The following ACOXL variants were observed in gnomAD, a reference collection of about 807,000 sequenced individuals.
ACOXL encodes acyl-coenzyme A oxidase-like protein.
In ACOXL, 70 loss-of-function variants were observed where a neutral mutation model predicts 71.9. That is an observed-to-expected ratio of 0.97 (90% confidence interval 0.80 to 1.19). ACOXL has a LOEUF of 1.19. Ranked by LOEUF, ACOXL falls within the 50% of genes most tolerant of loss-of-function variation. The pLI, the probability that ACOXL is intolerant of heterozygous loss-of-function variation, is 0.00. For synonymous variants in ACOXL, 253 were observed against 281.6 expected (o/e 0.90, Z 1.02); for missense variants, 703 against 736.3 (o/e 0.95, Z 0.52).
intron 15 of ACOXL, among the ~76,000 whole-genome samples, chr2:111,040,356 C>T (rs1244999528): frequency 6.6e-6 from 1 of 152,182 alleles, no homozygotes; most frequent in Non-Finnish European, 1.5e-5. Context: ...AAAAATAAAC[C>T]TTGTAACTAT....
chr2:110,976,366 G>A lies in ACOXL; in HGVS notation c.1060-10742G>A, dbSNP rs550102836. ...TGGCTCCTGGCCTATGGATCACACT[G>A]AGTGGCAAGGGCCTACAGGTCTAGG... On this transcript the variant is annotated intron_variant, in intron 12 of 17. Coordinates refer to ENST00000439055, the MANE Select transcript of ACOXL (RefSeq NM_001142807.4). 9.8e-5 allele frequency among the ~76,000 whole-genome samples: 15 copies of A among 152,358 alleles called. No homozygotes were observed. In the South Asian group the frequency reaches 2.9e-3, roughly 29 times the overall value.
At chr2:110,997,676 A>G (rs186197075) in intron 14 of ACOXL, among the ~76,000 whole-genome samples, 1 of 152,350 alleles carries the variant, frequency 6.6e-6, no homozygotes, top group African/African-American at 2.4e-5. Context: ...AAAAGAATCA[A>G]AATGAATAAC....
chr2:111,094,793 G>C (rs751914178), intron 17 of ACOXL, among the ~76,000 whole-genome samples: 1 of 152,178 alleles, frequency 6.6e-6, no homozygotes, highest in Non-Finnish European at 1.5e-5. Flanking sequence ...TGCTCAATGT[G>C]GTGTCTGCTG....
At chr2:111,044,138 T>A (rs1002633158) in intron 15 of ACOXL, among the ~76,000 whole-genome samples, 2 of 152,234 alleles carry the variant, frequency 1.3e-5, no homozygotes, top group Non-Finnish European at 2.9e-5. Context: ...TTATGTGAAC[T>A]CTGCAGCATG....
chr2:111,117,897 C>A lies in ACOXL; in HGVS notation c.*81C>A. ...CCGACGCCCAGAGCTGTGGCCGAGG[C>A]CGGGGGCTGGCACCCGCTGGGCCGC... On this transcript the variant is annotated 3_prime_UTR_variant, in exon 18 of 18. Coordinates refer to ENST00000439055, the MANE Select transcript of ACOXL (RefSeq NM_001142807.4). The A allele has an allele frequency of 6.9e-7, 1 of 1,441,540 alleles. No homozygotes were observed. The highest frequency in any genetic ancestry group is 9.2e-7 in the Non-Finnish European group (1 of 1,086,704). The allele number at this position is 1,441,540 out of a possible 1,614,324, so 89.3% of individuals were successfully genotyped here. A position where few individuals can be genotyped will look rare whatever the true frequency, so the allele number is the denominator to read the frequency against.
At chr2:110,798,929 G>A in intron 6 of ACOXL, 85 bp from the exon 7 acceptor site, 4 of 1,400,790 alleles carry the variant, frequency 2.9e-6, no homozygotes, top group African/African-American at 1.4e-5. Context: ...ATGAGTTTGA[G>A]GATCACAGAA....
intron 3 of ACOXL, among the ~76,000 whole-genome samples, chr2:110,790,143 G>A (rs758950876): frequency 1.3e-5 from 2 of 152,222 alleles, no homozygotes; most frequent in Non-Finnish European, 2.9e-5. Flanking sequence ...AACCTGGCAG[G>A]TAGCAGGAGC....
At chr2:110,733,265 C>T (rs1481481050) in intron 1 of ACOXL, among the ~76,000 whole-genome samples, 6 of 152,138 alleles carry the variant, frequency 3.9e-5, no homozygotes, top group Non-Finnish European at 1.5e-5. Context: ...TACAGGACCC[C>T]CTCGGAGTGC....
At chr2:110,754,229 T>C (rs1481286360) in intron 1 of ACOXL, among the ~76,000 whole-genome samples, 1 of 151,942 alleles carries the variant, frequency 6.6e-6, no homozygotes, top group Non-Finnish European at 1.5e-5. Flanking sequence ...TGCACTACCA[T>C]ACCTGGGCCA....
intron 1 of ACOXL, among the ~76,000 whole-genome samples, chr2:110,739,921 C>T (rs1032704269): frequency 1.3e-5 from 2 of 152,160 alleles, no homozygotes; most frequent in African/African-American, 4.8e-5. Context: ...TGGTTTTATG[C>T]CATAAATCAT....
chr2:111,082,298 T>C (rs1055575198), intron 16 of ACOXL, among the ~76,000 whole-genome samples: 3 of 150,532 alleles, frequency 2.0e-5, no homozygotes, highest in Non-Finnish European at 3.0e-5. Context: ...ACCCAGAATC[T>C]ACAAAGAACT....
chr2:110,841,521 C>A, intron 10 of ACOXL, 116 bp downstream of exon 10: 2 of 750,140 alleles, frequency 2.7e-6, no homozygotes, highest in Admixed American at 2.6e-5. Flanking sequence ...CTGTGATGTC[C>A]GTGTCGCAGA....
chr2:110,824,774 G>A (rs1180422623), intron 9 of ACOXL, among the ~76,000 whole-genome samples: 2 of 152,022 alleles, frequency 1.3e-5, no homozygotes, highest in Non-Finnish European at 2.9e-5. Context: ...GTGCTTTAAA[G>A]CCCTTATCTA....
At chr2:110,762,295 A>C (rs1680507385) in intron 1 of ACOXL, among the ~76,000 whole-genome samples, 1 of 152,292 alleles carries the variant, frequency 6.6e-6, no homozygotes, top group Admixed American at 6.5e-5. Context: ...TCATTCTACC[A>C]ATCTTTGTCT....
chr2:110,835,645 A>G (rs775333450), intron 9 of ACOXL, among the ~76,000 whole-genome samples: 4 of 152,206 alleles, frequency 2.6e-5, no homozygotes, highest in Non-Finnish European at 4.4e-5. Context: ...TTGAAATGAC[A>G]TTAAGAGGAC....
rs147146660 is a variant in ACOXL at position 110,918,864 on chromosome 2, C to T, written c.905+9959C>T. The stretch of plus-strand genomic sequence containing the variant: ...AAAACCACAATGAGATACCATCTCA[C>T]GCCAGTTAGAATGGTGATCATTAAA... On this transcript the variant is annotated intron_variant, in intron 11 of 17. Transcript: ENST00000439055. 2.4e-3 allele frequency among the ~76,000 whole-genome samples: 371 copies of T among 152,236 alleles called. 2 individuals carry two copies. Among genetic ancestry groups the T allele is most frequent in the African/African-American group, 8.3e-3 (345 of 41,548 alleles).
At chr2:110,768,257 C>G in intron 1 of ACOXL, 111 bp from the exon 2 acceptor site, 3 of 771,854 alleles carry the variant, frequency 3.9e-6, no homozygotes, top group Non-Finnish European at 6.6e-6. Context: ...CAGTATCAAA[C>G]AAGCATTACA....
intron 17 of ACOXL, chr2:111,113,166 A>C (rs2070112263): frequency 6.6e-6 from 1 of 152,272 alleles, no homozygotes; most frequent in South Asian, 2.1e-4. Flanking sequence ...CACTGGGGGA[A>C]AAGATGAAGG....
At chr2:110,979,640 G>A (rs1376279419) in intron 12 of ACOXL, among the ~76,000 whole-genome samples, 2 of 152,260 alleles carry the variant, frequency 1.3e-5, no homozygotes, top group South Asian at 4.1e-4. Context: ...GTGCGGGGCA[G>A]GGGTACCCTC....
Sources: allele counts gnomAD v4.1 joint callset (sites outside exome capture counted in the v4.1 genomes callset), GRCh38; gene constraint gnomAD v4.1.1; transcripts MANE v1.5; gene names NCBI Gene and HGNC (gene_info 2026-07-23, HGNC 2026-07-21).